The following IL17B variants were observed in gnomAD, a reference collection of about 807,000 sequenced individuals.
The protein encoded by IL17B is interleukin-17B.
In IL17B, 14 loss-of-function variants were observed where a neutral mutation model predicts 14.7. The ratio of observed to expected loss-of-function variants is 0.95; its 90% CI spans 0.63 to 1.49. IL17B has a LOEUF of 1.49. Ranked by LOEUF, IL17B falls within the 40% of genes most tolerant of loss-of-function variation. The pLI, the probability that IL17B is intolerant of heterozygous loss-of-function variation, is 0.00. For missense variants in IL17B, 233 were observed against 252.8 expected (o/e 0.92, Z 0.53); for synonymous variants, 105 against 94.8 (o/e 1.11, Z -0.62).
At chr5:149,403,414 T>G (rs1296616446) in intron 1 of IL17B, among the ~76,000 whole-genome samples, 1 of 152,192 alleles carries the variant, frequency 6.6e-6, no homozygotes, top group Non-Finnish European at 1.5e-5. Flanking sequence ...GGTATGATGC[T>G]TTTGAGAAAA....
intron 1 of IL17B, among the ~76,000 whole-genome samples, chr5:149,392,447 G>T (rs949317095): frequency 2.0e-5 from 3 of 152,242 alleles, no homozygotes; most frequent in African/African-American, 7.2e-5. Context: ...GCCAATAGCT[G>T]TTATTAAGTA....
intron 1 of IL17B, among the ~76,000 whole-genome samples, chr5:149,391,264 C>T (rs764605474): frequency 5.3e-5 from 8 of 152,258 alleles, no homozygotes; most frequent in East Asian, 3.9e-4. Context: ...CTGCGCCCAG[C>T]GTTGGACCAG....
intron 1 of IL17B, among the ~76,000 whole-genome samples, chr5:149,395,313 T>C (rs949935161): frequency 7.2e-5 from 11 of 152,348 alleles, no homozygotes; most frequent in African/African-American, 2.6e-4. Context: ...TTGTGACTAG[T>C]GCTGCAATGA....
intron 1 of IL17B, among the ~76,000 whole-genome samples, chr5:149,390,587 GCACACACACACACACACACACA>G (rs56268721): frequency 4.3e-5 from 5 of 114,946 alleles, no homozygotes; most frequent in Admixed American, 1.8e-4. Flanking sequence ...CCCTGAGTTA[GCACACACACACACACACACACA>G]CACACACACA....
chr5:149,401,940 A>G (rs1345021104), intron 1 of IL17B, among the ~76,000 whole-genome samples: 1 of 152,140 alleles, frequency 6.6e-6, no homozygotes, highest in Non-Finnish European at 1.5e-5. Context: ...TGCATTTTAC[A>G]TGCACGGTCA....
At chr5:149,379,538 T>C (rs551256278), upstream of IL17B, among the ~76,000 whole-genome samples, 5 of 152,290 alleles carry the variant, frequency 3.3e-5, no homozygotes, top group East Asian at 9.7e-4. Flanking sequence ...GCCTGTGGCC[T>C]GCGGCCGGCC....
intron 1 of IL17B, among the ~76,000 whole-genome samples, chr5:149,394,199 T>G (rs1446624105): frequency 6.6e-6 from 1 of 152,216 alleles, no homozygotes; most frequent in Non-Finnish European, 1.5e-5. Flanking sequence ...GCAGATGAAC[T>G]ATATTCATGA....
intron 1 of IL17B, among the ~76,000 whole-genome samples, chr5:149,392,977 C>T (rs2400858): frequency 2.6e-3 from 371 of 141,226 alleles, no homozygotes; most frequent in Middle Eastern, 7.1e-3. Flanking sequence ...TGCGCGCGTG[C>T]GTGTGTGTGT....
At chr5:149,385,645 C>A (rs577894811) in intron 1 of IL17B, among the ~76,000 whole-genome samples, 1 of 152,350 alleles carries the variant, frequency 6.6e-6, no homozygotes, top group Non-Finnish European at 1.5e-5. Context: ...CCCCTGCCCA[C>A]TGGAGTGTCC....
intron 1 of IL17B, among the ~76,000 whole-genome samples, chr5:149,401,408 TA>T (rs1157313663): frequency 6.6e-6 from 1 of 152,238 alleles, no homozygotes; most frequent in African/African-American, 2.4e-5. Flanking sequence ...TATGCCTTTT[TA>T]AAAGTGATAA....
At chr5:149,394,255 T>C (rs1759047702) in intron 1 of IL17B, among the ~76,000 whole-genome samples, 1 of 152,186 alleles carries the variant, frequency 6.6e-6, no homozygotes, top group African/African-American at 2.4e-5. Context: ...ATCGCTATGG[T>C]TGTTAATTGT....
At chr5:149,377,167 C>T in intron 1 of IL17B, 142 bp from the exon 2 acceptor site, 1 of 650,236 alleles carries the variant, frequency 1.5e-6, no homozygotes, top group Non-Finnish European at 2.6e-6. Flanking sequence ...CCAGCTCTCC[C>T]TCCTCAGATT....
At position 149,377,128 on chromosome 5, in the gene IL17B, G is replaced by A; in HGVS notation, c.22-103C>T. 3 of 967,386 alleles carry A rather than the reference G, an allele frequency of 3.1e-6. No homozygotes were observed. In the East Asian group the frequency reaches 8.0e-5, roughly 26 times the overall value. 59.9% of individuals were successfully genotyped at this position (967,386 alleles called of 1,614,324 possible). A position where few individuals can be genotyped will look rare whatever the true frequency, so the allele number is the denominator to read the frequency against. On this transcript the variant is annotated intron_variant, in intron 1 of 2. Coordinates refer to ENST00000261796, the MANE Select transcript of IL17B (RefSeq NM_014443.3). ...TCCCATTGCTCTTAGGGGTCTCCCAGGCTCAGGTCTGACTCTGCCTACCAT... is the reference window on the plus strand; with the variant it reads ...TCCCATTGCTCTTAGGGGTCTCCCAAGCTCAGGTCTGACTCTGCCTACCAT...
upstream of IL17B, among the ~76,000 whole-genome samples, chr5:149,381,018 G>A (rs974252618): frequency 5.3e-5 from 8 of 151,944 alleles, no homozygotes; most frequent in Non-Finnish European, 1.0e-4. Flanking sequence ...CCACTGGCCG[G>A]GCGGCCTGGC....
At chr5:149,393,677 C>T (rs1759033634) in intron 1 of IL17B, among the ~76,000 whole-genome samples, 1 of 152,140 alleles carries the variant, frequency 6.6e-6, no homozygotes, top group Non-Finnish European at 1.5e-5. Context: ...TTCCTCCCTT[C>T]CTTCCTTCTT....
upstream of IL17B, among the ~76,000 whole-genome samples, chr5:149,380,074 C>T (rs530356761): frequency 1.1e-4 from 16 of 152,292 alleles, no homozygotes; most frequent in South Asian, 2.9e-3. Flanking sequence ...GGGGTGGTCT[C>T]CGCTCTCAGA....
At chr5:149,395,476 G>A (rs891354271) in intron 1 of IL17B, among the ~76,000 whole-genome samples, 1 of 152,088 alleles carries the variant, frequency 6.6e-6, no homozygotes, top group African/African-American at 2.4e-5. Context: ...TAGAAATAAC[G>A]CTGGTGATTG....
chr5:149,394,983 G>A (rs1053398952), intron 1 of IL17B, among the ~76,000 whole-genome samples: 1 of 152,112 alleles, frequency 6.6e-6, no homozygotes, highest in Non-Finnish European at 1.5e-5. Flanking sequence ...GGTAACAAAC[G>A]TAATACCTGA....
intron 1 of IL17B, among the ~76,000 whole-genome samples, chr5:149,400,501 G>A (rs1032737090): frequency 2.0e-5 from 3 of 152,180 alleles, no homozygotes; most frequent in Non-Finnish European, 4.4e-5. Flanking sequence ...TGACACAACC[G>A]GTCGCTGGCT....
Sources: allele counts gnomAD v4.1 joint callset (sites outside exome capture counted in the v4.1 genomes callset), GRCh38; gene constraint gnomAD v4.1.1; transcripts MANE v1.5; gene names NCBI Gene and HGNC (gene_info 2026-07-23, HGNC 2026-07-21).